Variants in FSD1L observed in about 807,000 individuals in gnomAD.
FSD1L encodes the protein FSD1-like protein.
In FSD1L, 45 loss-of-function variants were observed where a neutral mutation model predicts 71.6. The observed-to-expected ratio is 0.63, with a 90% CI of 0.49 to 0.81. FSD1L has a LOEUF of 0.81. Ranked by LOEUF, FSD1L falls within the 30% of genes least tolerant of loss-of-function variation. FSD1L has a pLI of 0.00. For missense variants in FSD1L, 561 were observed against 618.1 expected (o/e 0.91, Z 0.98); for synonymous variants, 197 against 207.2 (o/e 0.95, Z 0.42).
intron 12 of FSD1L, among the ~76,000 whole-genome samples, chr9:105,536,852 G>A (rs932762432): frequency 2.0e-5 from 3 of 152,056 alleles, no homozygotes; most frequent in Non-Finnish European, 4.4e-5. Flanking sequence ...GGCCAGGCTG[G>A]TCTCAAACTC....
chr9:105,538,220 TCTG>T (rs1296283900), intron 12 of FSD1L, among the ~76,000 whole-genome samples: 1 of 152,222 alleles, frequency 6.6e-6, no homozygotes, highest in Non-Finnish European at 1.5e-5. Flanking sequence ...GCATTACTAT[TCTG>T]CTGTTTACTA....
At chr9:105,529,575 G>A (rs186372866) in intron 10 of FSD1L, among the ~76,000 whole-genome samples, 1 of 152,044 alleles carries the variant, frequency 6.6e-6, no homozygotes, top group East Asian at 1.9e-4. Flanking sequence ...TGAACAATGA[G>A]AACGCGTGGA....
At chr9:105,490,105 G>C (rs1388245628) in intron 7 of FSD1L, among the ~76,000 whole-genome samples, 2 of 152,222 alleles carry the variant, frequency 1.3e-5, no homozygotes, top group African/African-American at 4.8e-5. Context: ...GGATGAACTA[G>C]TTTACAGTCC....
At chr9:105,506,274 A>G (rs1834044294) in intron 7 of FSD1L, 125 bp from the exon 8 acceptor site, 1 of 692,710 alleles carries the variant, frequency 1.4e-6, no homozygotes, top group Admixed American at 2.9e-5. Context: ...AATCTGATCT[A>G]CTTTTGAACA....
At chr9:105,532,907 C>A (rs1589096935) in intron 10 of FSD1L, among the ~76,000 whole-genome samples, 1 of 152,234 alleles carries the variant, frequency 6.6e-6, no homozygotes, top group South Asian at 2.1e-4. Flanking sequence ...TTTCTGACAG[C>A]AAGACATTTA....
chr9:105,510,420 G>A (rs534005919), intron 9 of FSD1L, among the ~76,000 whole-genome samples: 2 of 152,302 alleles, frequency 1.3e-5, no homozygotes, highest in South Asian at 4.1e-4. Flanking sequence ...CAGAGGAAAA[G>A]TCCACATTTT....
intron 6 of FSD1L, 29 bp from the exon 7 acceptor site, chr9:105,484,342 ATTTCTTTATT>A (rs1167503096): frequency 4.3e-6 from 6 of 1,399,624 alleles, no homozygotes; most frequent in Non-Finnish European, 5.6e-6. Context: ...GATACTTCCT[ATTTCTTTATT>A]TTAAAAAGTA....
At chr9:105,446,531 A>AT (rs113095314), upstream of FSD1L, among the ~76,000 whole-genome samples, 1,298 of 144,424 alleles carry the variant, frequency 9.0e-3, 12 homozygotes, top group Middle Eastern at 0.021. Flanking sequence ...CGTCTGGCTA[A>AT]TTTTTTTTTT....
At chr9:105,523,118 A>C in intron 10 of FSD1L, 1 of 1,613,950 alleles carries the variant, frequency 6.2e-7, no homozygotes. Context: ...AAGAGCAGGA[A>C]GTGGCTAGTC....
Position 105,468,749 on chromosome 9 carries a change from C to T in FSD1L, c.339+425C>T, listed in dbSNP as rs1318576296. On this transcript the variant is annotated intron_variant, in intron 4 of 13. Transcript: ENST00000481272. ...ACCTCAGGTGATCCACCCGTCTTGGCCTCCCAAAGTGCTGGGATTACAGGC... is the reference window on the plus strand; with the variant it reads ...ACCTCAGGTGATCCACCCGTCTTGGTCTCCCAAAGTGCTGGGATTACAGGC... 3.3e-5 allele frequency among the ~76,000 whole-genome samples: 5 copies of T among 152,148 alleles called. No individual in the cohort carries two copies. In the East Asian group the frequency reaches 9.6e-4, roughly 29 times the overall value.
intron 10 of FSD1L, chr9:105,521,931 C>T (rs1046943911): frequency 4.5e-5 from 72 of 1,612,338 alleles, no homozygotes; most frequent in African/African-American, 9.4e-5. Context: ...TATGTGTAAA[C>T]GCATTCTTAA....
chr9:105,464,138 A>G, intron 2 of FSD1L, 98 bp from the exon 3 acceptor site: 3 of 673,692 alleles, frequency 4.5e-6, no homozygotes, highest in Non-Finnish European at 2.6e-6. Flanking sequence ...TTGTTATACA[A>G]TATACTCTTA....
chr9:105,525,215 G>A (rs1343428160), intron 10 of FSD1L: 1 of 1,604,756 alleles, frequency 6.2e-7, no homozygotes. Context: ...AACCGTAAAA[G>A]ATGGACTTTC....
intron 7 of FSD1L, among the ~76,000 whole-genome samples, chr9:105,500,146 T>G (rs991466914): frequency 1.3e-5 from 2 of 152,256 alleles, no homozygotes; most frequent in African/African-American, 4.8e-5. Flanking sequence ...ATAGCTGTTT[T>G]TAATTATTGG....
chr9:105,466,813 G>A (rs555451037), intron 3 of FSD1L, among the ~76,000 whole-genome samples: 54 of 152,268 alleles, frequency 3.5e-4, no homozygotes, highest in Middle Eastern at 3.4e-3. Flanking sequence ...CTGTGGACAA[G>A]CGAATCATCA....
Position 105,548,652 on chromosome 9 carries a change from A to C in FSD1L, c.*2169A>C. The stretch of plus-strand genomic sequence containing the variant: ...GTTGTCATTTGAAACTCTTCACATA[A>C]AATTTTCTAATATTCATTTGGAAAA... On this transcript the variant is annotated 3_prime_UTR_variant, in exon 14 of 14. Transcript: ENST00000481272. 6.6e-6 allele frequency: 1 copy of C among 151,948 alleles called. No homozygotes were observed. The highest frequency in any genetic ancestry group is 1.9e-4 in the East Asian group (1 of 5,186). 9.4% of individuals were successfully genotyped at this position (151,948 alleles called of 1,614,324 possible).
In FSD1L at chr9:105,494,766, T is replaced by C. The variant is rs556204847; in HGVS notation, c.586+10264T>C. On this transcript the variant is annotated intron_variant, in intron 7 of 13. Coordinates refer to ENST00000481272, the MANE Select transcript of FSD1L (RefSeq NM_001145313.3). Reference sequence around the variant, plus strand: ...CTTTTGAAGTTTGCTAGAGGTGCACTCCAGACCCTGTTTGCCTGGGTACCA... The same window carrying C: ...CTTTTGAAGTTTGCTAGAGGTGCACCCCAGACCCTGTTTGCCTGGGTACCA... Among the ~76,000 whole-genome samples, 530 of 152,260 alleles carry C rather than the reference T, an allele frequency of 3.5e-3. 5 individuals carry two copies. Among genetic ancestry groups the C allele is most frequent in the African/African-American group, 0.012 (498 of 41,546 alleles).
In FSD1L at chr9:105,549,645, C is replaced by G. The variant is rs751811492; in HGVS notation, c.*3162C>G. On this transcript the variant is annotated 3_prime_UTR_variant, in exon 14 of 14. Transcript: ENST00000481272. ...TATGTTATGAAGAGAGACATATTGG[C>G]TTGCTTTAATTTACTTATTTATGAA... is the stretch of plus-strand genomic sequence containing the variant. 2.0e-5 allele frequency: 3 copies of G among 151,886 alleles called. No homozygotes were observed. The highest frequency in any genetic ancestry group is 4.4e-5 in the Non-Finnish European group (3 of 67,878). 9.4% of individuals were successfully genotyped at this position (151,886 alleles called of 1,614,324 possible).
intron 13 of FSD1L, among the ~76,000 whole-genome samples, chr9:105,545,944 G>A (rs1344098187): frequency 6.6e-6 from 1 of 152,102 alleles, no homozygotes; most frequent in Non-Finnish European, 1.5e-5. Context: ...AGGGGTGTTA[G>A]ATTTTTATAG....
Sources: allele counts gnomAD v4.1 joint callset (sites outside exome capture counted in the v4.1 genomes callset), GRCh38; gene constraint gnomAD v4.1.1; transcripts MANE v1.5; gene names NCBI Gene and HGNC (gene_info 2026-07-23, HGNC 2026-07-21).